The following PRKG1 variants were observed in gnomAD, a reference collection of about 807,000 sequenced individuals.
PRKG1 encodes the protein cGMP-dependent protein kinase 1.
A neutral mutation model predicts 88.1 loss-of-function variants in PRKG1; 35 were observed. The ratio of observed to expected loss-of-function variants is 0.40; its 90% CI spans 0.30 to 0.53. PRKG1 has a LOEUF of 0.53. Among genes scored for constraint, PRKG1 ranks in the 20% least tolerant of loss-of-function variants. The probability of loss-of-function intolerance (pLI) is 0.59; values close to 1 mark genes in which losing one functional copy is unlikely to be tolerated. For missense variants in PRKG1, 540 were observed against 839.8 expected, an observed-to-expected ratio of 0.64 and a Z score of 4.41; for synonymous variants, 303 against 292.5, an observed-to-expected ratio of 1.04 and a Z score of -0.37.
chr10:51,958,076 A>AT (rs1371102672), intron 5 of PRKG1, among the ~76,000 whole-genome samples: 1 of 152,106 alleles, frequency 6.6e-6, no homozygotes, highest in Non-Finnish European at 1.5e-5. Flanking sequence ...AAATAGAAGT[A>AT]TTTTTTCAAC....
At chr10:52,098,609 G>A (rs758576391) in intron 7 of PRKG1, among the ~76,000 whole-genome samples, 13 of 152,150 alleles carry the variant, frequency 8.5e-5, no homozygotes, top group Non-Finnish European at 1.6e-4. Context: ...TCAGGAGTTC[G>A]AGATAGATGT....
intron 9 of PRKG1, 64 bp from the exon 10 acceptor site, chr10:52,251,506 A>G (rs189606546): frequency 1.7e-6 from 2 of 1,192,722 alleles, no homozygotes; most frequent in East Asian, 4.7e-5. Context: ...TCTGGTACAG[A>G]TGTACGTGGT....
Position 51,041,076 on chromosome 10 carries a change from A to G in PRKG1, c.266+49432A>G, listed in dbSNP as rs376169992. ...TCCCACCCTTACCCTTCCCTCAAGCAGAGTAGTCTCTCCCTGTGGCCACCA... is the reference window on the plus strand; with the variant it reads ...TCCCACCCTTACCCTTCCCTCAAGCGGAGTAGTCTCTCCCTGTGGCCACCA... On this transcript the variant is annotated intron_variant, in intron 1 of 17. Transcript: ENST00000401604. Among the ~76,000 whole-genome samples, 43 of 152,038 alleles carry G rather than the reference A, an allele frequency of 2.8e-4. No homozygotes were observed. In the East Asian group the frequency reaches 6.4e-3, roughly 23 times the overall value.
chr10:51,084,569 G>A (rs375243114), intron 1 of PRKG1, among the ~76,000 whole-genome samples: 13 of 152,274 alleles, frequency 8.5e-5, no homozygotes, highest in Admixed American at 2.6e-4. Context: ...CTTCTACATA[G>A]AGGTGGAGAG....
intron 2 of PRKG1, among the ~76,000 whole-genome samples, chr10:51,242,051 C>A (rs555300495): frequency 6.6e-6 from 1 of 151,558 alleles, no homozygotes; most frequent in Admixed American, 6.6e-5. Context: ...GTGGGAAGCT[C>A]CCAGAACTGA....
At chr10:51,338,123 A>C (rs577529452) in intron 2 of PRKG1, among the ~76,000 whole-genome samples, 43 of 152,194 alleles carry the variant, frequency 2.8e-4, no homozygotes, top group Admixed American at 5.2e-4. Flanking sequence ...CAGAAACCCA[A>C]ACACTGCATG....
intron 5 of PRKG1, among the ~76,000 whole-genome samples, chr10:51,992,462 C>A (rs928723318): frequency 6.6e-6 from 1 of 152,056 alleles, no homozygotes; most frequent in Non-Finnish European, 1.5e-5. Context: ...TTTAGAAAGG[C>A]ACCGGTAAGA....
chr10:51,063,534 T>C (rs1564585874), intron 1 of PRKG1, among the ~76,000 whole-genome samples: 2 of 152,184 alleles, frequency 1.3e-5, no homozygotes, highest in Non-Finnish European at 2.9e-5. Flanking sequence ...AAGGTACAAC[T>C]ATGTATAGCA....
At chr10:51,354,213 A>G (rs936219788) in intron 2 of PRKG1, among the ~76,000 whole-genome samples, 4 of 151,774 alleles carry the variant, frequency 2.6e-5, no homozygotes, top group African/African-American at 9.7e-5. Flanking sequence ...AAAAAAAATT[A>G]GAAAGAATGA....
intron 1 of PRKG1, among the ~76,000 whole-genome samples, chr10:51,011,876 GT>G (rs894156156): frequency 6.6e-6 from 1 of 152,178 alleles, no homozygotes; most frequent in Non-Finnish European, 1.5e-5. Flanking sequence ...AGAAAAAGAG[GT>G]TTAACGGACT....
intron 2 of PRKG1, among the ~76,000 whole-genome samples, chr10:51,170,441 C>T (rs1048599482): frequency 2.6e-4 from 33 of 125,298 alleles, no homozygotes; most frequent in African/African-American, 1.0e-3. Flanking sequence ...TGGGTATACA[C>T]ACACACACAC....
At chr10:51,375,525 T>G (rs947681407) in intron 2 of PRKG1, among the ~76,000 whole-genome samples, 1 of 152,148 alleles carries the variant, frequency 6.6e-6, no homozygotes. Flanking sequence ...AGCATTTCCT[T>G]TTAGTGTCAT....
chr10:52,020,099 A>T (rs4935026), intron 5 of PRKG1, among the ~76,000 whole-genome samples: 151,861 of 152,054 alleles, frequency 1, 75,834 homozygotes, highest in Middle Eastern at 1. Flanking sequence ...GAGTTTTTTT[A>T]ATCTTCTGTA....
chr10:51,471,028 T>G (rs1840035104), intron 3 of PRKG1, among the ~76,000 whole-genome samples: 1 of 152,104 alleles, frequency 6.6e-6, no homozygotes, highest in South Asian at 2.1e-4. Flanking sequence ...ATGATTCAGA[T>G]CTATATTCAT....
intron 2 of PRKG1, among the ~76,000 whole-genome samples, chr10:51,315,236 G>A (rs1300196225): frequency 6.6e-6 from 1 of 152,136 alleles, no homozygotes; most frequent in Non-Finnish European, 1.5e-5. Flanking sequence ...TGATCTTCCA[G>A]CAAGTCACAA....
At chr10:51,074,061 C>G (rs1564589112), upstream of PRKG1, among the ~76,000 whole-genome samples, 2 of 152,124 alleles carry the variant, frequency 1.3e-5, no homozygotes, top group African/African-American at 4.8e-5. Flanking sequence ...CGAGTTTGCC[C>G]GGGGTCCTCC....
At chr10:51,623,281 G>C (rs1333950537) in intron 3 of PRKG1, among the ~76,000 whole-genome samples, 1 of 152,146 alleles carries the variant, frequency 6.6e-6, no homozygotes, top group Non-Finnish European at 1.5e-5. Flanking sequence ...GTTCACTGCA[G>C]CCTCAACCTC....
chr10:51,380,282 C>T lies in PRKG1; in HGVS notation c.479-87441C>T, dbSNP rs80289534. On this transcript the variant is annotated intron_variant, in intron 2 of 17. Transcript: ENST00000373980. ...AATTGCTAACTATTTGGGAGTTTTG[C>T]GAGCTGATTATCCATAGTGGGAGTA... Among the ~76,000 whole-genome samples, 887 of 152,188 alleles carry T rather than the reference C, an allele frequency of 5.8e-3. 2 individuals carry two copies. Among genetic ancestry groups the T allele is most frequent in the African/African-American group, 0.02 (849 of 41,498 alleles).
intron 3 of PRKG1, among the ~76,000 whole-genome samples, chr10:51,633,759 A>G (rs1839586139): frequency 6.6e-6 from 1 of 152,202 alleles, no homozygotes; most frequent in Non-Finnish European, 1.5e-5. Flanking sequence ...AGCCAAATCC[A>G]GATTTTTAAC....
Sources: allele counts gnomAD v4.1 joint callset (sites outside exome capture counted in the v4.1 genomes callset), GRCh38; gene constraint gnomAD v4.1.1; transcripts MANE v1.5; gene names NCBI Gene and HGNC (gene_info 2026-07-23, HGNC 2026-07-21).